Variants in SLC24A2 observed in about 807,000 individuals in gnomAD.
SLC24A2 encodes the protein solute carrier family 24 member 2.
SLC24A2 carries 36 observed loss-of-function variants against 62.0 expected under a neutral mutation model. The ratio of observed to expected loss-of-function variants is 0.58; its 90% confidence interval spans 0.44 to 0.77. The LOEUF (loss-of-function observed/expected upper bound fraction) is 0.77. Ranked by LOEUF, SLC24A2 falls within the 30% of genes least tolerant of loss-of-function variation. The pLI is 0.00. For missense variants in SLC24A2, 846 were observed against 817.9 expected, an observed-to-expected ratio of 1.03 and a Z score of -0.42; for synonymous variants, 358 against 294.0, an observed-to-expected ratio of 1.22 and a Z score of -2.23.
chr9:20,045,173 C>A, the SLC24A2 span, among the ~76,000 whole-genome samples: 1 of 152,140 alleles, frequency 6.6e-6, no homozygotes, highest in African/African-American at 2.4e-5. Context: ...ATATGCTAGA[C>A]CCTGTGCCAG....
chr9:19,549,942 T>C (rs1834763210), intron 8 of SLC24A2, among the ~76,000 whole-genome samples, 195 bp downstream of exon 8: 1 of 152,256 alleles, frequency 6.6e-6, no homozygotes. Context: ...ATATTCTTAA[T>C]GTCACTTTCT....
At chr9:19,567,559 AAAAAAG>A (rs201108622) in intron 7 of SLC24A2, among the ~76,000 whole-genome samples, 13 of 128,338 alleles carry the variant, frequency 1.0e-4, no homozygotes, top group Admixed American at 9.3e-5. Flanking sequence ...AAAAAAAAAA[AAAAAAG>A]GTAAGGAATA....
chr9:19,543,571 T>G (rs181711744), intron 8 of SLC24A2, among the ~76,000 whole-genome samples: 18 of 152,308 alleles, frequency 1.2e-4, no homozygotes, highest in Non-Finnish European at 2.1e-4. Flanking sequence ...GGGCATTTAG[T>G]GCTATAAATT....
chr9:19,676,831 G>A (rs777133374), intron 2 of SLC24A2, among the ~76,000 whole-genome samples: 1 of 152,116 alleles, frequency 6.6e-6, no homozygotes, highest in Non-Finnish European at 1.5e-5. Context: ...TAACCTAAGA[G>A]AATTCTTTAT....
the SLC24A2 span, among the ~76,000 whole-genome samples, chr9:19,945,044 C>T: frequency 6.6e-6 from 1 of 152,186 alleles, no homozygotes; most frequent in South Asian, 2.1e-4. Context: ...ACATCATACA[C>T]ATCTCATCTG....
At chr9:19,825,146 T>G in the SLC24A2 span, among the ~76,000 whole-genome samples, 1 of 152,206 alleles carries the variant, frequency 6.6e-6, no homozygotes, top group African/African-American at 2.4e-5. Flanking sequence ...GTAACATACC[T>G]GCATGTTCTG....
chr9:19,650,162 A>C (rs557686520), intron 2 of SLC24A2, among the ~76,000 whole-genome samples: 73 of 152,370 alleles, frequency 4.8e-4, no homozygotes, highest in Non-Finnish European at 6.8e-4. Flanking sequence ...AATGCTCAAC[A>C]AATGTAAGCT....
the SLC24A2 span, among the ~76,000 whole-genome samples, chr9:20,273,546 G>T: frequency 6.6e-6 from 1 of 152,090 alleles, no homozygotes; most frequent in Non-Finnish European, 1.5e-5. Flanking sequence ...CATGAGATCT[G>T]GTGGTGTTAA....
the SLC24A2 span, among the ~76,000 whole-genome samples, chr9:20,086,962 T>C: frequency 6.6e-6 from 1 of 152,162 alleles, no homozygotes; most frequent in Non-Finnish European, 1.5e-5. Flanking sequence ...TTCCCTAGAA[T>C]GATGTTGCAA....
chr9:19,746,155 T>C (rs184720594), intron 2 of SLC24A2, among the ~76,000 whole-genome samples: 1 of 152,098 alleles, frequency 6.6e-6, no homozygotes, highest in East Asian at 1.9e-4. Context: ...GATGCAATCC[T>C]CTTTCAATTA....
chr9:19,591,656 G>C (rs1019537288), intron 5 of SLC24A2, among the ~76,000 whole-genome samples: 18 of 152,190 alleles, frequency 1.2e-4, no homozygotes, highest in African/African-American at 4.3e-4. Context: ...CCACCATCTT[G>C]GACCATGAGG....
At chr9:20,019,259 GA>G in the SLC24A2 span, among the ~76,000 whole-genome samples, 1 of 120,514 alleles carries the variant, frequency 8.3e-6, no homozygotes, top group Admixed American at 9.6e-5. Context: ...GAAAGAGAAA[GA>G]AAGAAAGAAA....
chr9:20,104,319 C>G, the SLC24A2 span, among the ~76,000 whole-genome samples: 1 of 152,102 alleles, frequency 6.6e-6, no homozygotes, highest in African/African-American at 2.4e-5. Flanking sequence ...GCAAGGCAGG[C>G]CAACATTCAC....
chr9:20,007,732 G>C, the SLC24A2 span, among the ~76,000 whole-genome samples: 1 of 151,808 alleles, frequency 6.6e-6, no homozygotes, highest in Non-Finnish European at 1.5e-5. Context: ...ATTTAAAATA[G>C]AATTAGTTCA....
At chr9:19,700,210 A>G (rs1295044990) in intron 2 of SLC24A2, among the ~76,000 whole-genome samples, 2 of 152,210 alleles carry the variant, frequency 1.3e-5, no homozygotes, top group Non-Finnish European at 2.9e-5. Context: ...TAAATGACAG[A>G]ACCTCTTTGA....
the SLC24A2 span, among the ~76,000 whole-genome samples, chr9:20,031,439 G>C: frequency 1.3e-5 from 2 of 148,988 alleles, no homozygotes; most frequent in Non-Finnish European, 3.0e-5. Flanking sequence ...TTTAAAAGTA[G>C]AGAAAAATCT....
At chr9:19,927,041 G>A in the SLC24A2 span, 3 of 152,378 alleles carry the variant, frequency 2.0e-5, no homozygotes, top group African/African-American at 4.8e-5. Context: ...GAGATTTAAC[G>A]AAGAGAAAGG....
chr9:19,838,390 C>A, the SLC24A2 span, among the ~76,000 whole-genome samples: 2 of 151,966 alleles, frequency 1.3e-5, no homozygotes, highest in Non-Finnish European at 1.5e-5. Flanking sequence ...AACTGGATCC[C>A]TTCCTTACAC....
intron 2 of SLC24A2, among the ~76,000 whole-genome samples, chr9:19,682,637 A>T (rs996072327): frequency 2.3e-4 from 35 of 152,192 alleles, no homozygotes; most frequent in African/African-American, 8.4e-4. Context: ...TACAGGGAGC[A>T]GGAGAAACAC....
Sources: allele counts gnomAD v4.1 joint callset (sites outside exome capture counted in the v4.1 genomes callset), GRCh38; gene constraint gnomAD v4.1.1; transcripts MANE v1.5; gene names NCBI Gene and HGNC (gene_info 2026-07-23, HGNC 2026-07-21).